PTPRG: variants seen among roughly 807,000 people sequenced by gnomAD.
PTPRG encodes the protein receptor-type tyrosine-protein phosphatase gamma.
Under a neutral mutation model 165.3 loss-of-function variants are expected in PTPRG, and 102 were observed. The ratio of observed to expected loss-of-function variants is 0.62; its 90% confidence interval spans 0.53 to 0.73. The LOEUF (loss-of-function observed/expected upper bound fraction) is 0.73. Among genes scored for constraint, PTPRG ranks in the 30% least tolerant of loss-of-function variants. The pLI is 0.00. For synonymous variants in PTPRG, 675 were observed against 669.5 expected (o/e 1.01, Z -0.13); for missense variants, 1,866 against 1,861.4 (o/e 1.00, Z -0.05).
At chr3:61,868,775 C>T (rs991417927) in intron 2 of PTPRG, among the ~76,000 whole-genome samples, 3 of 152,142 alleles carry the variant, frequency 2.0e-5, no homozygotes, top group Middle Eastern at 3.2e-3. Context: ...TTTCTAAGTC[C>T]AGGCTCTCTA....
intron 27 of PTPRG, among the ~76,000 whole-genome samples, chr3:62,281,987 C>T (rs574428678): frequency 7.2e-5 from 11 of 151,938 alleles, no homozygotes; most frequent in African/African-American, 2.7e-4. Context: ...TTTTCTTTGC[C>T]ATCAGAAATG....
intron 2 of PTPRG, among the ~76,000 whole-genome samples, chr3:61,889,110 AC>A (rs2038135028): frequency 6.6e-6 from 1 of 152,208 alleles, no homozygotes; most frequent in South Asian, 2.1e-4. Context: ...CTGTGTAAAT[AC>A]CATATTTTTC....
At chr3:62,270,075 G>C (rs557565224) in intron 20 of PTPRG, among the ~76,000 whole-genome samples, 4 of 152,270 alleles carry the variant, frequency 2.6e-5, no homozygotes, top group African/African-American at 9.6e-5. Flanking sequence ...TCGGGAATGT[G>C]AAACTGCAGA....
rs115173630 is a variant in PTPRG at position 61,885,106 on chromosome 3, C to T, written c.191-104519C>T. On this transcript the variant is annotated intron_variant, in intron 2 of 29. Transcript: ENST00000474889. ...ACCCTGCCAATTTGAAAATCGTGCT[C>T]TTTTATGAAAATACAAGTAGATGAG... Among the ~76,000 whole-genome samples, 466 of 152,236 alleles carry T rather than the reference C, an allele frequency of 3.1e-3. 2 individuals carry two copies. Among genetic ancestry groups the T allele is most frequent in the African/African-American group, 0.011 (447 of 41,546 alleles).
Position 62,203,640 on chromosome 3 carries a change from C to T in PTPRG, c.1845C>T (p.Ala615=), listed in dbSNP as rs771587112. 9.9e-5 allele frequency: 155 copies of T among 1,557,982 alleles called. 1 individual carries two copies. In the South Asian group the frequency reaches 1.4e-3, roughly 14 times the overall value. The change falls in exon 12 of 30, where the codon GCC becomes GCT. Residue 615 remains alanine (A), a synonymous_variant. Coordinates refer to ENST00000474889, the MANE Select transcript of PTPRG (RefSeq NM_002841.4). The surrounding 1 kb of genome is among the most constrained non-coding windows in gnomAD (Gnocchi z 6.4). ...KKEKSGVTHA[A]EERNQTEPSP... ...AGAAGAGTGGGGTGACCCACGCTGC[C>T]GAGGAGCGGAATCAGACGGAGCCCA...
chr3:62,032,849 C>T (rs1007400789), intron 4 of PTPRG, among the ~76,000 whole-genome samples: 2 of 151,950 alleles, frequency 1.3e-5, no homozygotes, highest in African/African-American at 2.4e-5. Context: ...AGTGTTAGGC[C>T]GGTGCAGATG....
intron 2 of PTPRG, among the ~76,000 whole-genome samples, chr3:61,937,013 A>G (rs2039498273): frequency 6.6e-6 from 1 of 152,168 alleles, no homozygotes; most frequent in African/African-American, 2.4e-5. Flanking sequence ...CAGGCAGAGG[A>G]GGCTTTTTTT....
chr3:61,652,577 TC>T (rs1446386031), intron 1 of PTPRG, among the ~76,000 whole-genome samples: 31 of 144,602 alleles, frequency 2.1e-4, no homozygotes, highest in Admixed American at 1.4e-3. Context: ...AGAACCTTGT[TC>T]CTCTAGTTAC....
At chr3:61,672,706 G>C (rs571556190) in intron 1 of PTPRG, among the ~76,000 whole-genome samples, 21 of 149,970 alleles carry the variant, frequency 1.4e-4, no homozygotes, top group African/African-American at 4.7e-4. Flanking sequence ...GAGGGAGACC[G>C]TGGAAAGAGA....
intron 14 of PTPRG, among the ~76,000 whole-genome samples, chr3:62,236,748 G>T (rs774596845): frequency 2.9e-4 from 44 of 152,106 alleles, no homozygotes; most frequent in Non-Finnish European, 5.6e-4. Flanking sequence ...CATGATTCTG[G>T]GTTTTCATAT....
Position 61,738,283 on chromosome 3 carries a change from T to C in PTPRG, c.86-10595T>C, listed in dbSNP as rs1323587013. 3.7e-4 allele frequency among the ~76,000 whole-genome samples: 24 copies of C among 65,036 alleles called. 4 individuals carry two copies. Among genetic ancestry groups the C allele is most frequent in the South Asian group, 3.1e-3 (5 of 1,622 alleles). 42.7% of individuals were successfully genotyped at this position (65,036 alleles called of 152,430 possible). On this transcript the variant is annotated intron_variant, in intron 1 of 29. Coordinates refer to ENST00000474889, the MANE Select transcript of PTPRG (RefSeq NM_002841.4). Reference sequence around the variant, plus strand: ...TTATATATATATATATATATACATATATATATATATATATATATATATATA... The same window carrying C: ...TTATATATATATATATATATACATACATATATATATATATATATATATATA...
chr3:61,787,663 C>G (rs927411813), intron 2 of PTPRG, among the ~76,000 whole-genome samples: 1 of 152,114 alleles, frequency 6.6e-6, no homozygotes, highest in East Asian at 1.9e-4. Context: ...TTATTGGAAG[C>G]CTTTAATTTT....
intron 2 of PTPRG, among the ~76,000 whole-genome samples, chr3:61,974,892 G>T (rs866337680): frequency 2.6e-5 from 4 of 152,208 alleles, no homozygotes; most frequent in Non-Finnish European, 2.9e-5. Context: ...CCTGAAGTCT[G>T]TGTTGAAATT....
In PTPRG at chr3:61,998,418, G is replaced by A. The variant is rs115120997; in HGVS notation, c.371-4931G>A. Reference sequence around the variant, plus strand: ...TGAATTGCTGCTGTGAGCATTCGTCGTATATCAGCCCTTGTGAACCCCTTA... The same window carrying A: ...TGAATTGCTGCTGTGAGCATTCGTCATATATCAGCCCTTGTGAACCCCTTA... On this transcript the variant is annotated intron_variant, in intron 3 of 29. Coordinates refer to ENST00000474889, the MANE Select transcript of PTPRG (RefSeq NM_002841.4). 7.9e-3 allele frequency among the ~76,000 whole-genome samples: 1,208 copies of A among 152,284 alleles called. 24 individuals are homozygous for A. Among genetic ancestry groups the A allele is most frequent in the African/African-American group, 0.028 (1,157 of 41,556 alleles).
intron 2 of PTPRG, among the ~76,000 whole-genome samples, chr3:61,751,942 G>A (rs1466090075): frequency 1.3e-5 from 2 of 151,968 alleles, no homozygotes; most frequent in Non-Finnish European, 2.9e-5. Flanking sequence ...GCAGTGAGCC[G>A]AGATTGCGCC....
At chr3:61,587,451 G>A (rs1700458893) in intron 1 of PTPRG, among the ~76,000 whole-genome samples, 1 of 151,662 alleles carries the variant, frequency 6.6e-6, no homozygotes, top group Non-Finnish European at 1.5e-5. Flanking sequence ...CAGCCGTGAT[G>A]TTTCTTTACC....
intron 4 of PTPRG, among the ~76,000 whole-genome samples, chr3:62,069,278 C>T (rs1165195899): frequency 6.6e-6 from 1 of 152,212 alleles, no homozygotes; most frequent in South Asian, 2.1e-4. Context: ...GAAGGGGACA[C>T]TGGGCCTTAG....
intron 1 of PTPRG, among the ~76,000 whole-genome samples, chr3:61,721,593 G>T (rs1460300980): frequency 2.6e-5 from 4 of 152,106 alleles, no homozygotes; most frequent in South Asian, 2.1e-4. Context: ...TATATTTTTG[G>T]ATTAGCTTTG....
At chr3:62,040,662 C>T (rs572398882) in intron 4 of PTPRG, among the ~76,000 whole-genome samples, 3 of 33,976 alleles carry the variant, frequency 8.8e-5, no homozygotes, top group African/African-American at 2.5e-4. Flanking sequence ...AACATGTTGG[C>T]CAGGATGTTG....
Sources: allele counts gnomAD v4.1 joint callset (sites outside exome capture counted in the v4.1 genomes callset), GRCh38; gene constraint gnomAD v4.1.1; non-coding constraint Gnocchi (gnomAD v3.1); transcripts MANE v1.5; gene names NCBI Gene and HGNC (gene_info 2026-07-23, HGNC 2026-07-21).